RBMS3: variants seen among roughly 807,000 people sequenced by gnomAD.
RBMS3 encodes the protein RNA-binding motif, single-stranded-interacting protein 3.
Under a neutral mutation model 66.8 loss-of-function variants are expected in RBMS3, and 27 were observed. That is an observed-to-expected ratio of 0.40 (90% CI 0.30 to 0.56). The LOEUF (loss-of-function observed/expected upper bound fraction) is 0.56, where lower values mean the gene tolerates loss of function less well. RBMS3 is among the 20% of genes least tolerant of loss of function. The pLI is 0.40. For synonymous variants in RBMS3, 188 were observed against 183.0 expected (o/e 1.03, Z -0.22); for missense variants, 513 against 549.5 (o/e 0.93, Z 0.66).
chr3:29,423,031 T>C (rs575043733), intron 1 of RBMS3, among the ~76,000 whole-genome samples: 201 of 152,348 alleles, frequency 1.3e-3, no homozygotes, highest in African/African-American at 4.6e-3. Context: ...TGAATTGCCC[T>C]GGTAATTCAC....
intron 4 of RBMS3, among the ~76,000 whole-genome samples, chr3:29,728,306 T>C (rs2053975427): frequency 1.3e-5 from 2 of 152,200 alleles, no homozygotes. Flanking sequence ...CAAGCCACCA[T>C]GGCTCATGTA....
At chr3:29,923,967 A>C (rs2149662665) in intron 10 of RBMS3, among the ~76,000 whole-genome samples, 1 of 152,378 alleles carries the variant, frequency 6.6e-6, no homozygotes, top group Non-Finnish European at 1.5e-5. Context: ...TGCCTTTGAA[A>C]ATAAATTAAA....
chr3:29,773,204 A>G (rs1042949472), intron 6 of RBMS3, among the ~76,000 whole-genome samples: 1 of 151,950 alleles, frequency 6.6e-6, no homozygotes, highest in African/African-American at 2.4e-5. Flanking sequence ...ACCCCTACTC[A>G]TTGTCCCATG....
At chr3:29,533,158 T>A (rs1410283173) in intron 3 of RBMS3, among the ~76,000 whole-genome samples, 1 of 152,204 alleles carries the variant, frequency 6.6e-6, no homozygotes, top group Non-Finnish European at 1.5e-5. Context: ...TTAATGCAGT[T>A]ATTTTTAACT....
intron 10 of RBMS3, among the ~76,000 whole-genome samples, chr3:29,934,380 A>T (rs1296447190): frequency 6.6e-6 from 1 of 151,956 alleles, no homozygotes; most frequent in African/African-American, 2.4e-5. Context: ...TAGGTGATTT[A>T]AGAAGAACCC....
intron 3 of RBMS3, among the ~76,000 whole-genome samples, chr3:29,565,986 CAG>C (rs1356483035): frequency 1.3e-5 from 2 of 152,020 alleles, no homozygotes; most frequent in Non-Finnish European, 2.9e-5. Context: ...AATTGTGTAT[CAG>C]AGAGTTATGA....
At chr3:29,898,119 C>T (rs998323450) in intron 9 of RBMS3, among the ~76,000 whole-genome samples, 3 of 151,552 alleles carry the variant, frequency 2.0e-5, no homozygotes, top group Non-Finnish European at 3.0e-5. Context: ...GTACATAGGT[C>T]GATTAAAATA....
At chr3:29,510,515 G>A (rs745790888) in intron 3 of RBMS3, among the ~76,000 whole-genome samples, 1 of 152,098 alleles carries the variant, frequency 6.6e-6, no homozygotes, top group Non-Finnish European at 1.5e-5. Flanking sequence ...TATGATACAG[G>A]TTGAGTATCC....
At chr3:29,699,423 A>C (rs2052440360) in intron 4 of RBMS3, among the ~76,000 whole-genome samples, 1 of 152,194 alleles carries the variant, frequency 6.6e-6, no homozygotes, top group African/African-American at 2.4e-5. Flanking sequence ...CTGGTATTAC[A>C]GGCGTGAGCC....
At chr3:29,716,944 A>C (rs1006712664) in intron 4 of RBMS3, among the ~76,000 whole-genome samples, 1 of 151,956 alleles carries the variant, frequency 6.6e-6, no homozygotes, top group Non-Finnish European at 1.5e-5. Flanking sequence ...AGACATATAT[A>C]ATACGTATTT....
intron 6 of RBMS3, among the ~76,000 whole-genome samples, chr3:29,776,868 A>C (rs543675521): frequency 6.6e-6 from 1 of 151,954 alleles, no homozygotes; most frequent in Non-Finnish European, 1.5e-5. Context: ...ATTAAATTAT[A>C]CATGTCCATG....
chr3:29,994,643 G>C (rs1189943541), intron 14 of RBMS3, among the ~76,000 whole-genome samples: 1 of 152,218 alleles, frequency 6.6e-6, no homozygotes, highest in Non-Finnish European at 1.5e-5. Context: ...TAACTGGGAG[G>C]CACCCCCCAG....
chr3:29,743,622 A>G (rs1002112034), intron 5 of RBMS3, among the ~76,000 whole-genome samples: 1 of 152,056 alleles, frequency 6.6e-6, no homozygotes, highest in African/African-American at 2.4e-5. Context: ...GGTCATTAGT[A>G]CTTGTTCTTA....
intron 6 of RBMS3, among the ~76,000 whole-genome samples, chr3:29,859,421 G>A (rs2059157336): frequency 1.3e-5 from 2 of 152,194 alleles, no homozygotes; most frequent in Admixed American, 6.5e-5. Context: ...AGGGTAGAAA[G>A]TAAGCAGTTG....
intron 2 of RBMS3, among the ~76,000 whole-genome samples, chr3:29,470,357 A>G (rs2125796183): frequency 6.6e-6 from 1 of 152,176 alleles, no homozygotes; most frequent in South Asian, 2.1e-4. Flanking sequence ...ACTCAAAAGA[A>G]GTCTTCAGAA....
In RBMS3 at chr3:29,332,671, T is replaced by C. The variant is rs567897542; in HGVS notation, c.75+50915T>C. Reference sequence around the variant, plus strand: ...CAGTTATACACCCTCTTTCCAAGAGTGTTTGCACATATTTGGTGCTCCTCA... The same window carrying C: ...CAGTTATACACCCTCTTTCCAAGAGCGTTTGCACATATTTGGTGCTCCTCA... On this transcript the variant is annotated intron_variant, in intron 1 of 14. Transcript: ENST00000383767. Among the ~76,000 whole-genome samples the C allele has an allele frequency of 2.0e-5, 3 of 152,208 alleles. No individual in the cohort carries two copies. In the South Asian group the frequency reaches 6.2e-4, roughly 32 times the overall value.
chr3:29,705,261 T>G (rs1489658238), intron 4 of RBMS3, among the ~76,000 whole-genome samples: 1 of 152,210 alleles, frequency 6.6e-6, no homozygotes, highest in African/African-American at 2.4e-5. Context: ...GAAAAATAAC[T>G]TTTATGCAGA....
At chr3:29,311,343 T>C (rs1220652799) in intron 1 of RBMS3, among the ~76,000 whole-genome samples, 3 of 151,806 alleles carry the variant, frequency 2.0e-5, no homozygotes, top group Middle Eastern at 3.4e-3. Flanking sequence ...AATAACGGTT[T>C]CTGTACACTG....
intron 4 of RBMS3, among the ~76,000 whole-genome samples, chr3:29,723,096 C>T (rs992717380): frequency 6.6e-6 from 1 of 152,114 alleles, no homozygotes. Context: ...CTGCCTCATC[C>T]TCCTGAATGG....
Sources: allele counts gnomAD v4.1 joint callset (sites outside exome capture counted in the v4.1 genomes callset), GRCh38; gene constraint gnomAD v4.1.1; transcripts MANE v1.5; gene names NCBI Gene and HGNC (gene_info 2026-07-23, HGNC 2026-07-21).